The following PCDHA8 variants were observed in gnomAD, a reference collection of about 807,000 sequenced individuals.
The protein encoded by PCDHA8 is protocadherin alpha 8.
In PCDHA8, 53 loss-of-function variants were observed where a neutral mutation model predicts 61.8. The ratio of observed to expected loss-of-function variants is 0.86; its 90% CI spans 0.69 to 1.08. PCDHA8 has a LOEUF of 1.08. Ranked by LOEUF, PCDHA8 falls within the 50% of genes least tolerant of loss-of-function variation. The pLI is 0.00. For synonymous variants in PCDHA8, 618 were observed against 556.6 expected, an observed-to-expected ratio of 1.11 and a Z score of -1.55; for missense variants, 1,293 against 1,245.0, an observed-to-expected ratio of 1.04 and a Z score of -0.58.
At chr5:140,866,125 C>T (rs577622922) in intron 1 of PCDHA8, 6 of 152,174 alleles carry the variant, frequency 3.9e-5, no homozygotes, top group East Asian at 1.9e-4. Flanking sequence ...ATAAGAACTA[C>T]GTATCTGTTG....
In PCDHA8 at chr5:140,843,704, C is replaced by T. The variant is rs930917896; in HGVS notation, c.2383C>T (p.His795Tyr). Residue 795 changes from histidine (H) to tyrosine (Y), a missense_variant, in exon 1 of 4, where the codon CAT becomes TAT. By Grantham distance (83) the His-to-Tyr change is moderately conservative. Transcript: ENST00000531613. Reference protein sequence around the residue: ...VGEEQDLNVDHGLKPRQPNPD... With the variant: ...VGEEQDLNVDYGLKPRQPNPD... ...CGAAGAGCAAGATTTAAATGTTGAT[C>T]ATGGCCTCAAAGTAAGTCCATTTAA... The T allele has an allele frequency of 1.2e-5, 19 of 1,580,086 alleles. 1 individual carries two copies. The highest frequency in any genetic ancestry group is 1.7e-5 in the Non-Finnish European group (19 of 1,151,352).
At position 140,857,274 on chromosome 5, in the gene PCDHA8, AC is replaced by A. The variant is rs782434085; in HGVS notation, c.2394+13560del. 196 of 1,598,554 alleles carry A rather than the reference AC, an allele frequency of 1.2e-4. 15 individuals are homozygous for A. The highest frequency in any genetic ancestry group is 3.4e-5 in the Admixed American group (2 of 59,316). On this transcript the variant is annotated intron_variant, in intron 1 of 3. Transcript: ENST00000531613. ...AAGAATTACTACTCATTGGTGCTGG[AC>A]AGCGCTCTGGACCGCGAGAGGGTGT...
At chr5:140,882,565 C>T (rs782122682) in intron 1 of PCDHA8, 5 of 1,614,118 alleles carry the variant, frequency 3.1e-6, no homozygotes, top group Non-Finnish European at 4.2e-6. Context: ...GTGGGCGGAG[C>T]GCGGAGTGCA....
At chr5:140,960,483 T>G (rs1554224788) in intron 1 of PCDHA8, among the ~76,000 whole-genome samples, 1 of 151,978 alleles carries the variant, frequency 6.6e-6, no homozygotes, top group Non-Finnish European at 1.5e-5. Flanking sequence ...TACACAGAGG[T>G]GTAGGTTTGT....
chr5:140,889,824 C>A (rs1396428338), intron 1 of PCDHA8, among the ~76,000 whole-genome samples: 3 of 152,102 alleles, frequency 2.0e-5, no homozygotes, highest in African/African-American at 4.8e-5. Context: ...CATAAGAAGT[C>A]TTACAGTATG....
intron 1 of PCDHA8, among the ~76,000 whole-genome samples, chr5:140,977,624 T>C (rs139722248): frequency 6.6e-6 from 1 of 152,088 alleles, no homozygotes. Flanking sequence ...TATCCCAGAG[T>C]TGTAACTTTT....
At chr5:140,908,348 T>C (rs977122453) in intron 1 of PCDHA8, among the ~76,000 whole-genome samples, 43 of 152,160 alleles carry the variant, frequency 2.8e-4, no homozygotes, top group Non-Finnish European at 5.3e-4. Flanking sequence ...CACTACCTCA[T>C]GTAACTTACT....
intron 1 of PCDHA8, among the ~76,000 whole-genome samples, chr5:140,892,286 C>A (rs2063458721): frequency 1.3e-5 from 2 of 152,136 alleles, no homozygotes; most frequent in South Asian, 4.1e-4. Flanking sequence ...TTAAACACTT[C>A]TTCCTGGAAA....
At chr5:140,917,324 C>CGGGGGGGG (rs1299895515) in intron 1 of PCDHA8, among the ~76,000 whole-genome samples, 1 of 76,104 alleles carries the variant, frequency 1.3e-5, no homozygotes, top group Non-Finnish European at 2.9e-5. Context: ...GTTCATGTGG[C>CGGGGGGGG]GGGGGAGGGG....
intron 1 of PCDHA8, among the ~76,000 whole-genome samples, chr5:140,920,717 G>A (rs1042476401): frequency 1.3e-5 from 2 of 152,044 alleles, no homozygotes; most frequent in African/African-American, 2.4e-5. Flanking sequence ...GGTGGTGTGC[G>A]CCTGCAGTCC....
chr5:140,921,634 T>C (rs1324251436), intron 1 of PCDHA8, among the ~76,000 whole-genome samples: 1 of 152,220 alleles, frequency 6.6e-6, no homozygotes, highest in Non-Finnish European at 1.5e-5. Context: ...ATCATTATGG[T>C]AGCTATTTTA....
chr5:140,987,398 A>G (rs935672912), intron 3 of PCDHA8, among the ~76,000 whole-genome samples: 4 of 152,140 alleles, frequency 2.6e-5, no homozygotes, highest in African/African-American at 9.7e-5. Context: ...CAAGGAAGCC[A>G]TCTGTTTATG....
intron 1 of PCDHA8, among the ~76,000 whole-genome samples, chr5:140,844,849 G>A (rs1554140744): frequency 6.7e-6 from 1 of 148,746 alleles, no homozygotes; most frequent in African/African-American, 2.5e-5. Context: ...TGTGACTGTT[G>A]GACCTGCCTG....
In PCDHA8 at chr5:141,009,782, C is replaced by G; in HGVS notation, c.2698C>G (p.Arg900Gly). ...AGGATCTCCTGCAATCATCTCCATC[C>G]GGCAGGAGCCTACTAACAGCCAAAT... ...IPGSPAIISI[R>G]QEPTNSQIDK... Residue 900 changes from arginine to glycine, a missense_variant, in exon 4 of 4, where the codon CGG becomes GGG. By Grantham distance (125) the Arg-to-Gly change is moderately radical. Transcript: ENST00000531613. 1.2e-6 allele frequency: 2 copies of G among 1,614,074 alleles called. No homozygotes were observed. Among genetic ancestry groups the G allele is most frequent in the Non-Finnish European group, 1.7e-6 (2 of 1,180,012 alleles).
intron 1 of PCDHA8, among the ~76,000 whole-genome samples, chr5:140,918,436 A>T (rs2078697265): frequency 6.6e-6 from 1 of 152,092 alleles, no homozygotes; most frequent in Admixed American, 6.6e-5. Context: ...GTTGAATAGG[A>T]GTGGTGACAG....
chr5:140,978,915 A>T, intron 1 of PCDHA8, 34 bp from the exon 2 acceptor site: 3 of 1,613,970 alleles, frequency 1.9e-6, no homozygotes, highest in Non-Finnish European at 2.5e-6. Flanking sequence ...TTGTCTTGTC[A>T]TTTTAACAGA....
intron 1 of PCDHA8, chr5:140,871,052 T>C (rs981101486): frequency 6.2e-7 from 1 of 1,613,156 alleles, no homozygotes; most frequent in Non-Finnish European, 8.5e-7. Flanking sequence ...CTAGTACTGG[T>C]GAAGGATCAC....
At position 141,010,025 on chromosome 5, in the gene PCDHA8, A is replaced by T; in HGVS notation, c.*88A>T. On this transcript the variant is annotated 3_prime_UTR_variant, in exon 4 of 4. Coordinates refer to ENST00000531613, the MANE Select transcript of PCDHA8 (RefSeq NM_018911.3). ...TAGCAATTCCCTGCTCCTTTTTCCT[A>T]TCTACATGAGCCCTCTTAGAGACCT... The T allele has an allele frequency of 6.4e-7, 1 of 1,573,940 alleles. No homozygotes were observed. The highest frequency in any genetic ancestry group is 1.2e-5 in the South Asian group (1 of 82,592).
In PCDHA8 at chr5:140,942,596, A is replaced by T. The variant is rs116159999; in HGVS notation, c.2395-36353A>T. On this transcript the variant is annotated intron_variant, in intron 1 of 3. Coordinates refer to ENST00000531613, the MANE Select transcript of PCDHA8 (RefSeq NM_018911.3). ...CCCATATAGGATGTCACATATAATT[A>T]TAGTGTTTATATTTGCCAATTGTAA... 7.0e-3 allele frequency among the ~76,000 whole-genome samples: 992 copies of T among 142,408 alleles called. 16 individuals carry two copies. Among genetic ancestry groups the T allele is most frequent in the African/African-American group, 0.025 (912 of 36,952 alleles). 93.4% of individuals were successfully genotyped at this position (142,408 alleles called of 152,430 possible).
Sources: gnomAD v4.1 joint callset for allele counts (sites outside exome capture counted in the v4.1 genomes callset) on GRCh38, gnomAD v4.1.1 for gene constraint, MANE v1.5 for transcripts, NCBI Gene and HGNC (gene_info 2026-07-23, HGNC 2026-07-21) for gene names.